The following MORF4L1 variants were observed in gnomAD, a reference collection of about 807,000 sequenced individuals.
The protein encoded by MORF4L1 is mortality factor 4 like 1.
In MORF4L1, 4 loss-of-function variants were observed where a neutral mutation model predicts 52.9. That is an observed-to-expected ratio of 0.08 (90% CI 0.04 to 0.17). The LOEUF is 0.17. MORF4L1 is among the 10% of genes least tolerant of loss of function. MORF4L1 has a pLI of 1.00. For synonymous variants in MORF4L1, 123 were observed against 134.8 expected, an observed-to-expected ratio of 0.91 and a Z score of 0.61; for missense variants, 214 against 390.4, an observed-to-expected ratio of 0.55 and a Z score of 3.81.
At position 78,892,238 on chromosome 15, in the gene MORF4L1, A is replaced by G; in HGVS notation, c.465A>G (p.Glu155=). ...AGGAAACATTCATGAACAGAGTTGA[A>G]GTTAAAGTAAAGATTCCTGAAGAGC... ...ENEETFMNRV[E]VKVKIPEELK... is the part of the protein sequence containing the mutation. Residue 155 remains glutamate (E), a synonymous_variant, in exon 8 of 12, where the codon GAA becomes GAG. Coordinates refer to ENST00000426013, the MANE Select transcript of MORF4L1 (RefSeq NM_006791.4). 2 of 1,613,158 alleles carry G rather than the reference A, an allele frequency of 1.2e-6. No homozygotes were observed.
At chr15:78,892,068 TAA>T in intron 7 of MORF4L1, 142 bp from the exon 8 acceptor site, 1 of 537,846 alleles carries the variant, frequency 1.9e-6, no homozygotes, top group Non-Finnish European at 3.3e-6. Flanking sequence ...TCGTTTTTAT[TAA>T]TGATTTTAAA....
chr15:78,885,135 T>A (rs762413963), intron 3 of MORF4L1: 1 of 1,379,588 alleles, frequency 7.2e-7, no homozygotes, highest in African/African-American at 1.5e-5. Context: ...AGGATTGCTT[T>A]TTATTATTTT....
In MORF4L1 at chr15:78,878,152, G is replaced by A. The variant is rs1214830123; in HGVS notation, c.41-61G>A. 3 of 1,517,854 alleles carry A rather than the reference G, an allele frequency of 2.0e-6. No homozygotes were observed. In the East Asian group the frequency reaches 6.8e-5, roughly 35 times the overall value. The allele number at this position is 1,517,854 out of a possible 1,614,324, so 94.0% of individuals were successfully genotyped here. On this transcript the variant is annotated intron_variant, in intron 1 of 11. Coordinates refer to ENST00000426013, the MANE Select transcript of MORF4L1 (RefSeq NM_006791.4). The stretch of plus-strand genomic sequence containing the variant: ...TAATAAAAGTGTGATGACTCTCTAA[G>A]ATGTTAATCTTTTTATATATGAGAA...
chr15:78,892,124 C>T (rs1036909277), intron 7 of MORF4L1, 88 bp from the exon 8 acceptor site: 3 of 789,008 alleles, frequency 3.8e-6, no homozygotes, highest in East Asian at 2.7e-5. Context: ...AAGATTTATC[C>T]CTAGTGCCTC....
At chr15:78,877,112 GATT>G (rs1567299234) in intron 1 of MORF4L1, among the ~76,000 whole-genome samples, 14 of 94,424 alleles carry the variant, frequency 1.5e-4, no homozygotes, top group African/African-American at 5.5e-4. Context: ...ACGCCCGGCT[GATT>G]TTTTTTTTTT....
intron 3 of MORF4L1, 70 bp from the exon 4 acceptor site, chr15:78,886,071 T>G: frequency 1.7e-6 from 2 of 1,172,370 alleles, no homozygotes; most frequent in South Asian, 2.5e-5. Context: ...CAGTCTTGCC[T>G]CTTGATCTCA....
intron 1 of MORF4L1, among the ~76,000 whole-genome samples, chr15:78,875,882 G>A (rs1225577232): frequency 6.6e-6 from 1 of 152,158 alleles, no homozygotes; most frequent in South Asian, 2.1e-4. Flanking sequence ...TTGAAACACT[G>A]TAGAGTTTAT....
chr15:78,878,177 A>G, intron 1 of MORF4L1, 36 bp from the exon 2 acceptor site: 6 of 1,588,586 alleles, frequency 3.8e-6, no homozygotes, highest in Non-Finnish European at 4.3e-6. Context: ...ATATATGAGA[A>G]GAAATTACAA....
At chr15:78,878,008 GT>G in intron 1 of MORF4L1, 1 of 463,436 alleles carries the variant, frequency 2.2e-6, no homozygotes, top group Non-Finnish European at 3.8e-6. Context: ...CTAATGAATT[GT>G]TTTTGTTTTT....
intron 3 of MORF4L1, among the ~76,000 whole-genome samples, chr15:78,882,302 A>G (rs1367858971): frequency 6.6e-6 from 1 of 152,198 alleles, no homozygotes; most frequent in Non-Finnish European, 1.5e-5. Flanking sequence ...GTGACAGAGC[A>G]AGATCTGGAC....
chr15:78,884,009 G>C (rs2056648986), intron 3 of MORF4L1, among the ~76,000 whole-genome samples: 1 of 151,754 alleles, frequency 6.6e-6, no homozygotes, highest in Non-Finnish European at 1.5e-5. Flanking sequence ...TTCTAGACCA[G>C]CCTGGCCAAC....
At chr15:78,873,543 C>A (rs2056413246) in intron 1 of MORF4L1, among the ~76,000 whole-genome samples, 1 of 151,862 alleles carries the variant, frequency 6.6e-6, no homozygotes, top group Non-Finnish European at 1.5e-5. Flanking sequence ...AACTCAGCTG[C>A]GGATGGGGGT....
At chr15:78,876,483 T>G (rs2056494102) in intron 1 of MORF4L1, 1 of 455,258 alleles carries the variant, frequency 2.2e-6, no homozygotes, top group Admixed American at 2.4e-5. Flanking sequence ...AGCTGTATAT[T>G]TTTTCAACAA....
chr15:78,873,266 G>C (rs2141579875), intron 1 of MORF4L1: 1 of 1,473,210 alleles, frequency 6.8e-7, no homozygotes, highest in Admixed American at 2.8e-5. Flanking sequence ...TGCTGCGCAG[G>C]CGTTAGAGTG....
At chr15:78,894,339 G>T in intron 10 of MORF4L1, 109 bp downstream of exon 10, 1 of 847,716 alleles carries the variant, frequency 1.2e-6, no homozygotes, top group Non-Finnish European at 1.7e-6. Context: ...ATTTTAATTT[G>T]AACTTTTATC....
chr15:78,893,040 G>GTGCC (rs2056827044), intron 8 of MORF4L1: 1 of 153,252 alleles, frequency 6.5e-6, no homozygotes, highest in Non-Finnish European at 1.5e-5. Flanking sequence ...TAGCCTTTTT[G>GTGCC]TGCTTCTGTT....
chr15:78,881,188 C>CTTTTTTT (rs777713555), intron 3 of MORF4L1, among the ~76,000 whole-genome samples: 672 of 13,504 alleles, frequency 0.05, 5 homozygotes, highest in Admixed American at 0.072. Flanking sequence ...AAGAGTTAAG[C>CTTTTTTT]CTTTTTTTTT....
intron 1 of MORF4L1, chr15:78,873,754 G>C (rs2056420433): frequency 6.6e-6 from 1 of 152,308 alleles, no homozygotes; most frequent in South Asian, 1.9e-4. Flanking sequence ...AAAAAAAAAA[G>C]TGAGATGAGC....
Position 78,897,215 on chromosome 15 carries a change from A to C in MORF4L1, c.*148A>C. On this transcript the variant is annotated 3_prime_UTR_variant, in exon 12 of 12. Transcript: ENST00000426013. ...TTGATTTTAAACAGAGAAAAAATAA[A>C]AGGGGGTAATAGCTCCTTTTTTCTT... is the stretch of plus-strand genomic sequence containing the variant. 1.7e-6 allele frequency: 1 copy of C among 592,130 alleles called. No individual in the cohort carries two copies. The highest frequency in any genetic ancestry group is 2.9e-6 in the Non-Finnish European group (1 of 341,742). 36.7% of individuals were successfully genotyped at this position (592,130 alleles called of 1,614,324 possible).
Sources: gnomAD v4.1 joint callset for allele counts (sites outside exome capture counted in the v4.1 genomes callset) on GRCh38, gnomAD v4.1.1 for gene constraint, MANE v1.5 for transcripts, NCBI Gene and HGNC (gene_info 2026-07-23, HGNC 2026-07-21) for gene names.